MOG: variants seen among roughly 807,000 people sequenced by gnomAD.
MOG encodes myelin oligodendrocyte glycoprotein, also known as myelin-oligodendrocyte glycoprotein.
In MOG, 20 loss-of-function variants were observed where a neutral mutation model predicts 35.9. The observed-to-expected ratio is 0.56, with a 90% CI of 0.39 to 0.81. MOG has a LOEUF of 0.81. Among genes scored for constraint, MOG ranks in the 30% least tolerant of loss-of-function variants. MOG has a pLI of 0.00. For missense variants in MOG, 251 were observed against 301.0 expected (o/e 0.83, Z 1.23); for synonymous variants, 92 against 114.3 (o/e 0.80, Z 1.25).
At chr6:29,659,997 T>C (rs1007766455) in intron 2 of MOG, 3 of 415,584 alleles carry the variant, frequency 7.2e-6, no homozygotes, top group African/African-American at 2.0e-5. Context: ...TAAGGTATTA[T>C]TGAGTGATAA....
At chr6:29,665,472 TTAAAA>T (rs1404544896) in intron 2 of MOG, among the ~76,000 whole-genome samples, 2 of 152,002 alleles carry the variant, frequency 1.3e-5, no homozygotes, top group East Asian at 1.9e-4. Context: ...ACAAGCATAA[TTAAAA>T]TAAACACTAA....
At chr6:29,663,863 G>A in intron 2 of MOG, 4 of 750,006 alleles carry the variant, frequency 5.3e-6, no homozygotes, top group Non-Finnish European at 4.9e-6. Flanking sequence ...AGGAGCCTTA[G>A]TCTACAGCTT....
intron 1 of MOG, 90 bp downstream of exon 1, chr6:29,657,387 T>C (rs1767331677): frequency 1.0e-6 from 1 of 976,430 alleles, no homozygotes; most frequent in Non-Finnish European, 1.6e-6. Context: ...CATCCTCAAG[T>C]TGCTATATTA....
intron 1 of MOG, among the ~76,000 whole-genome samples, chr6:29,657,615 C>G (rs997670085): frequency 6.6e-6 from 1 of 150,752 alleles, no homozygotes; most frequent in Admixed American, 6.6e-5. Context: ...TCCCAAGTAG[C>G]GGAGACTACA....
chr6:29,659,647 A>G lies in MOG; in HGVS notation c.417A>G (p.Ala139=), dbSNP rs758126005. The G allele has an allele frequency of 6.2e-7, 1 of 1,613,074 alleles. No individual in the cohort carries two copies. The highest frequency in any genetic ancestry group is 8.5e-7 in the Non-Finnish European group (1 of 1,180,000). The change falls in exon 2 of 8, where the codon GCA becomes GCG. Residue 139 remains alanine (A), a synonymous_variant. Transcript: ENST00000376917. ...FRDHSYQEEA[A]MELKVEDPFY... ...ATCATTCTTACCAAGAGGAGGCAGC[A>G]ATGGAATTGAAAGTAGAAGGTGAGT...
rs556530187 is a variant in MOG at position 29,657,146 on chromosome 6, C to A, written c.-64C>A. 326 of 1,221,804 alleles carry A rather than the reference C, an allele frequency of 2.7e-4. 6 individuals are homozygous for A. The South Asian group carries it at 3.0e-3, about 11-fold the overall frequency. 75.7% of individuals were successfully genotyped at this position (1,221,804 alleles called of 1,614,324 possible). A position where few individuals can be genotyped will look rare whatever the true frequency, so the allele number is the denominator to read the frequency against. On this transcript the variant is annotated 5_prime_UTR_variant, in exon 1 of 8. Coordinates refer to ENST00000376917, the MANE Select transcript of MOG (RefSeq NM_206809.4). ...CTTTTCAGCAGTAAGGGGACATGCA[C>A]CCCAAGGGCCTCCACTTGGCCTGAC...
intron 1 of MOG, 58 bp downstream of exon 1, chr6:29,657,355 C>CCTT: frequency 7.6e-7 from 1 of 1,319,992 alleles, no homozygotes; most frequent in Non-Finnish European, 1.1e-6. Flanking sequence ...AGGCTAGTTT[C>CCTT]CTGGGGCTTA....
chr6:29,664,213 TA>T (rs200859131), intron 2 of MOG, among the ~76,000 whole-genome samples: 7,865 of 149,804 alleles, frequency 0.053, 397 homozygotes, highest in African/African-American at 0.12. Context: ...TTTATTTATT[TA>T]TTTTTTTTTT....
rs537236203 is a variant in MOG, at chr6:29,670,862, ACTC to A, written c.730+147_730+149del. On this transcript the variant is annotated intron_variant, in intron 7 of 7. Transcript: ENST00000376917. The surrounding 1 kb of genome is among the most constrained non-coding windows in gnomAD (Gnocchi z 4.2). ...GCTGGAGAGCCTGGGTGGAGGGAAG[ACTC>A]CTCCTGGGAGGTAGAGGGCAAAGAA... 5.6e-4 allele frequency: 883 copies of A among 1,581,104 alleles called. 6 individuals are homozygous for A. Among genetic ancestry groups the A allele is most frequent in the South Asian group, 5.4e-3 (476 of 87,580 alleles).
At chr6:29,663,393 G>A (rs1769373870) in intron 2 of MOG, among the ~76,000 whole-genome samples, 1 of 151,610 alleles carries the variant, frequency 6.6e-6, no homozygotes, top group Admixed American at 6.6e-5. Flanking sequence ...TACCCAGTTT[G>A]TGTTCAAATT....
At position 29,659,298 on chromosome 6, in the gene MOG, TC is replaced by T. The variant is rs774159648; in HGVS notation, c.89-19del. On this transcript the variant is annotated intron_variant, in intron 1 of 7. Transcript: ENST00000376917. Reference sequence around the variant, plus strand: ...AGGTTCCCTCTGACCTTAAATCTCTTCCTTTTGGTGTCTTGGACAGGGCAGT... The same window carrying T: ...AGGTTCCCTCTGACCTTAAATCTCTTCTTTTGGTGTCTTGGACAGGGCAGT... 6.2e-7 allele frequency: 1 copy of T among 1,612,026 alleles called. No individual in the cohort carries two copies. The highest frequency in any genetic ancestry group is 8.5e-7 in the Non-Finnish European group (1 of 1,179,174).
Position 29,657,114 on chromosome 6 carries a change from C to A in MOG, c.-96C>A. On this transcript the variant is annotated 5_prime_UTR_variant, in exon 1 of 8. Transcript: ENST00000376917. ...GGCAGCACTGCCCTCCAAGATCTTC[C>A]CTTGGGCTTTTCAGCAGTAAGGGGA... The A allele has an allele frequency of 1.1e-6, 1 of 909,208 alleles. No individual in the cohort carries two copies. Among genetic ancestry groups the A allele is most frequent in the Non-Finnish European group, 1.8e-6 (1 of 546,634 alleles). 56.3% of individuals were successfully genotyped at this position (909,208 alleles called of 1,614,324 possible).
Position 29,672,106 on chromosome 6 carries a change from G to T in MOG, c.*921G>T, listed in dbSNP as rs1771591775. On this transcript the variant is annotated 3_prime_UTR_variant, in exon 8 of 8. Transcript: ENST00000376917. The stretch of plus-strand genomic sequence containing the variant: ...GTTCAAGACCAGCCTGGCCAACATG[G>T]TGAAACCCCATCTCTACTAAAAATA... 1 of 153,546 alleles carries T rather than the reference G, an allele frequency of 6.5e-6. No homozygotes were observed. Among genetic ancestry groups the T allele is most frequent in the Non-Finnish European group, 1.4e-5 (1 of 69,220 alleles). 9.5% of individuals were successfully genotyped at this position (153,546 alleles called of 1,614,324 possible).
In MOG at chr6:29,671,760, T is replaced by G. The variant is rs1257856320; in HGVS notation, c.*575T>G. On this transcript the variant is annotated 3_prime_UTR_variant, in exon 8 of 8. Transcript: ENST00000376917. The stretch of plus-strand genomic sequence containing the variant: ...AAACCTACAGAATACTAGCCAGAGC[T>G]CCTCCTTGTCTTGGCAGCCTACTAG... 2.0e-5 allele frequency: 9 copies of G among 439,212 alleles called. No individual in the cohort carries two copies. The highest frequency in any genetic ancestry group is 3.2e-5 in the Non-Finnish European group (8 of 247,156). 27.2% of individuals were successfully genotyped at this position (439,212 alleles called of 1,614,324 possible).
chr6:29,670,907 A>G lies in MOG; in HGVS notation c.730+186A>G. 1 of 1,605,840 alleles carries G rather than the reference A, an allele frequency of 6.2e-7. No individual in the cohort carries two copies. Among genetic ancestry groups the G allele is most frequent in the Non-Finnish European group, 8.5e-7 (1 of 1,176,426 alleles). ...GGCAAAGAAGCCAGCTGTTAGAGAC[A>G]CATTTACAGGTGGCAGAGAAGCTGG... On this transcript the variant is annotated intron_variant, in intron 7 of 7. Coordinates refer to ENST00000376917, the MANE Select transcript of MOG (RefSeq NM_206809.4). This position sits in a 1 kb window ranked among gnomAD's most constrained non-coding sequence, Gnocchi z 4.2.
intron 2 of MOG, 178 bp downstream of exon 2, chr6:29,659,844 A>C (rs1583091089): frequency 6.2e-6 from 4 of 642,860 alleles, no homozygotes; most frequent in Non-Finnish European, 1.1e-5. Flanking sequence ...ATCATTATTC[A>C]GAGTAGCAAG....
chr6:29,660,713 T>C (rs867818071), intron 2 of MOG, among the ~76,000 whole-genome samples: 2,733 of 150,970 alleles, frequency 0.018, 46 homozygotes, highest in Admixed American at 0.033. Context: ...ATTTCTTTTT[T>C]TTTTTCCTTT....
In MOG at chr6:29,659,475, A is replaced by T; in HGVS notation, c.245A>T (p.Asn82Ile). 6.2e-7 allele frequency: 1 copy of T among 1,613,086 alleles called. No homozygotes were observed. The highest frequency in any genetic ancestry group is 8.5e-7 in the Non-Finnish European group (1 of 1,180,038). The change falls in exon 2 of 8, where the codon AAT (asparagine) becomes ATT (isoleucine). Residue 82 changes from asparagine to isoleucine, a missense_variant. By Grantham distance (149) the Asn-to-Ile change is moderately radical. Transcript: ENST00000376917. The part of the protein sequence containing the change: ...PFSRVVHLYR[N>I]GKDQDGDQAP... ...TCTAGGGTGGTTCATCTCTACAGAA[A>T]TGGCAAGGACCAAGATGGAGACCAG... is the stretch of plus-strand genomic sequence containing the variant.
chr6:29,660,158 C>T (rs1768188753), intron 2 of MOG, among the ~76,000 whole-genome samples: 1 of 145,358 alleles, frequency 6.9e-6, no homozygotes, highest in Non-Finnish European at 1.5e-5. Flanking sequence ...TGCACTCCAA[C>T]CCGGGTGACA....
Sources: allele counts gnomAD v4.1 joint callset (sites outside exome capture counted in the v4.1 genomes callset), GRCh38; gene constraint gnomAD v4.1.1; non-coding constraint Gnocchi (gnomAD v3.1); transcripts MANE v1.5; gene names NCBI Gene and HGNC (gene_info 2026-07-23, HGNC 2026-07-21).